Variants in GNL3L observed in about 807,000 individuals in gnomAD.
GNL3L encodes guanine nucleotide-binding protein-like 3-like protein.
In GNL3L, 4 loss-of-function variants were observed where a neutral mutation model predicts 42.9. The ratio of observed to expected loss-of-function variants is 0.09; its 90% CI spans 0.05 to 0.21. The LOEUF is 0.21. Among genes scored for constraint, GNL3L ranks in the 10% least tolerant of loss-of-function variants. The pLI, the probability that GNL3L is intolerant of heterozygous loss-of-function variation, is 1.00. For missense variants in GNL3L, 412 were observed against 481.7 expected (o/e 0.86, Z 1.36); for synonymous variants, 159 against 176.3 (o/e 0.90, Z 0.78).
the GNL3L span, among the ~76,000 whole-genome samples, chrX:54,627,371 C>CT: frequency 5.4e-5 from 6 of 110,547 alleles, no homozygotes; most frequent in East Asian, 1.7e-3. Flanking sequence ...TCTTTTCTGA[C>CT]TTTATTTATT....
the GNL3L span, among the ~76,000 whole-genome samples, chrX:54,633,231 A>AAG: frequency 8.9e-6 from 1 of 111,844 alleles, no homozygotes; most frequent in African/African-American, 3.2e-5. Context: ...AAGTTGTCAC[A>AAG]TGGGCAGATT....
chrX:54,602,792 A>G (rs1926018708), intron 16 of GNL3L, among the ~76,000 whole-genome samples: 1 of 111,339 alleles, frequency 9.0e-6, no homozygotes, highest in African/African-American at 3.3e-5. Flanking sequence ...AGAGCTAGCA[A>G]GAAGCCAGGG....
intron 16 of GNL3L, among the ~76,000 whole-genome samples, chrX:54,592,819 A>G (rs1244184429): frequency 9.0e-6 from 1 of 110,521 alleles, no homozygotes; most frequent in Non-Finnish European, 1.9e-5. Context: ...TGTCTCAAAA[A>G]AAAAAAAACA....
At chrX:54,624,845 A>G (rs1191355195), downstream of GNL3L, among the ~76,000 whole-genome samples, 1 of 110,252 alleles carries the variant, frequency 9.1e-6, no homozygotes, top group African/African-American at 3.4e-5. Flanking sequence ...TCTCTTCATA[A>G]GAGCTTTGGC....
chrX:54,603,794 G>T (rs777855655), intron 16 of GNL3L, among the ~76,000 whole-genome samples: 2 of 111,169 alleles, frequency 1.8e-5, no homozygotes, highest in East Asian at 5.6e-4. Context: ...AGAATACATG[G>T]GAGTTGTTGT....
chrX:54,592,347 T>C (rs61528266), intron 16 of GNL3L, among the ~76,000 whole-genome samples: 1,822 of 112,106 alleles, frequency 0.016, 39 homozygotes, highest in African/African-American at 0.055. Context: ...CAGTATTATG[T>C]TGAATAACAG....
At chrX:54,572,961 A>G (rs758634149) in intron 16 of GNL3L, among the ~76,000 whole-genome samples, 61 of 107,964 alleles carry the variant, frequency 5.7e-4, no homozygotes, top group Middle Eastern at 4.8e-3. Context: ...GGCCAGGCAG[A>G]GACGCTCCTC....
At chrX:54,549,486 G>C (rs1222778497) in intron 9 of GNL3L, among the ~76,000 whole-genome samples, 2 of 112,466 alleles carry the variant, frequency 1.8e-5, no homozygotes, top group Non-Finnish European at 3.8e-5. Context: ...ATCACTTGAG[G>C]TCAGGAGTTT....
intron 15 of GNL3L, 77 bp downstream of exon 15, chrX:54,558,732 C>T (rs1363444589): frequency 1.4e-6 from 1 of 702,369 alleles, no homozygotes; most frequent in African/African-American, 2.2e-5. Context: ...TTCTGGCTCA[C>T]TGCAGTCTCC....
intron 16 of GNL3L, among the ~76,000 whole-genome samples, chrX:54,580,152 C>G: frequency 1.6e-5 from 1 of 63,897 alleles, no homozygotes; most frequent in Admixed American, 2.3e-4. Context: ...TCCCCCCTCC[C>G]CCCACCCTAC....
rs1385689376 is a variant in GNL3L at position 54,544,219 on chromosome X, C to A, written c.527-4C>A. On this transcript the variant is annotated splice_polypyrimidine_tract_variant and splice_region_variant and intron_variant, in intron 7 of 15. Transcript: ENST00000360845. The stretch of plus-strand genomic sequence containing the variant: ...AGCCCCATCTGTTCCTATATTTACC[C>A]CAGACCTGGTCCCCAAGGAGGTTGT... 4 of 1,107,276 alleles carry A rather than the reference C, an allele frequency of 3.6e-6. No homozygotes were observed. The highest frequency in any genetic ancestry group is 5.0e-6 in the Non-Finnish European group (4 of 803,292). 91.3% of individuals were successfully genotyped at this position (1,107,276 alleles called of 1,213,427 possible).
At chrX:54,572,402 C>CT (rs1301206870) in intron 16 of GNL3L, among the ~76,000 whole-genome samples, 73 of 111,706 alleles carry the variant, frequency 6.5e-4, no homozygotes, top group African/African-American at 2.2e-3. Context: ...CCCATGTCTA[C>CT]TTCTTTCTAC....
intron 4 of GNL3L, 123 bp downstream of exon 4, chrX:54,540,365 G>A (rs1178337100): frequency 2.7e-5 from 13 of 489,416 alleles, no homozygotes; most frequent in Admixed American, 1.5e-4. Context: ...GTGGAAGCCG[G>A]GAGAGAGGGA....
chrX:54,575,938 A>G (rs1262942518), intron 16 of GNL3L, among the ~76,000 whole-genome samples: 4 of 111,913 alleles, frequency 3.6e-5, no homozygotes, highest in East Asian at 2.8e-4. Context: ...TACTTATTCT[A>G]TGGCATTGAA....
At chrX:54,614,603 TCCTC>T (rs1354555581) in intron 16 of GNL3L, among the ~76,000 whole-genome samples, 11 of 111,338 alleles carry the variant, frequency 9.9e-5, no homozygotes, top group African/African-American at 3.6e-4. Flanking sequence ...TTCTGCTGCT[TCCTC>T]TACCCCTATA....
rs951217631 is a variant in GNL3L at position 54,558,133 on chromosome X, C to T, written c.1447-303C>T. Among the ~76,000 whole-genome samples the T allele has an allele frequency of 4.5e-5, 5 of 111,345 alleles. No homozygotes were observed. The East Asian group carries it at 1.1e-3, about 25-fold the overall frequency. ...TCTTGACTTTGTGATCTGCCTGTCTCAGCCTCCCAAAGTGCTGGGATTATA... is the reference window on the plus strand; with the variant it reads ...TCTTGACTTTGTGATCTGCCTGTCTTAGCCTCCCAAAGTGCTGGGATTATA... On this transcript the variant is annotated intron_variant, in intron 14 of 15. Transcript: ENST00000360845.
chrX:54,597,464 G>A (rs1051352875), intron 16 of GNL3L, among the ~76,000 whole-genome samples: 2 of 111,189 alleles, frequency 1.8e-5, no homozygotes, highest in Non-Finnish European at 3.8e-5. Flanking sequence ...TCAAATGGAA[G>A]GAAGGCATCT....
At chrX:54,591,671 A>G (rs1925873733) in intron 16 of GNL3L, among the ~76,000 whole-genome samples, 1 of 109,681 alleles carries the variant, frequency 9.1e-6, no homozygotes, top group Non-Finnish European at 1.9e-5. Context: ...CCTTTGGTCT[A>G]TGTGTGTGTT....
At chrX:54,626,030 T>G (rs772917040), downstream of GNL3L, among the ~76,000 whole-genome samples, 10 of 111,827 alleles carry the variant, frequency 8.9e-5, no homozygotes, top group Non-Finnish European at 1.3e-4. Context: ...AAATTTGTGT[T>G]GTAAACATTC....
Sources: allele counts gnomAD v4.1 joint callset (sites outside exome capture counted in the v4.1 genomes callset), GRCh38; gene constraint gnomAD v4.1.1; transcripts MANE v1.5; gene names NCBI Gene and HGNC (gene_info 2026-07-23, HGNC 2026-07-21).